Variants in CXCL13 observed in about 807,000 individuals in gnomAD.
CXCL13 encodes C-X-C motif chemokine 13.
A neutral mutation model predicts 12.2 loss-of-function variants in CXCL13; 7 were observed. The observed-to-expected ratio is 0.57, with a 90% confidence interval of 0.33 to 1.07. The LOEUF (loss-of-function observed/expected upper bound fraction) is 1.07, where lower values mean the gene tolerates loss of function less well. Among genes scored for constraint, CXCL13 ranks in the 50% least tolerant of loss-of-function variants. The pLI, the probability that CXCL13 is intolerant of heterozygous loss-of-function variation, is 0.04. For missense variants in CXCL13, 113 were observed against 127.4 expected (o/e 0.89, Z 0.55); for synonymous variants, 47 against 42.4 (o/e 1.11, Z -0.42).
In CXCL13 at chr4:77,529,558, C is replaced by A. The variant is rs184388919; in HGVS notation, c.-43+17770C>A. ...TTGAAGCAATTGTGAATGGGAGTTC[C>A]CTCATGATTTGGCTCTCTGTCTGTT... On this transcript the variant is annotated intron_variant, in intron 1 of 4. Coordinates refer to the CXCL13 transcript ENST00000286758. Among the ~76,000 whole-genome samples, 413 of 152,156 alleles carry A rather than the reference C, an allele frequency of 2.7e-3. 1 individual carries two copies. Among genetic ancestry groups the A allele is most frequent in the African/African-American group, 9.5e-3 (396 of 41,520 alleles).
chr4:77,573,768 C>A (rs1307028873), intron 1 of CXCL13, among the ~76,000 whole-genome samples: 1 of 151,896 alleles, frequency 6.6e-6, no homozygotes, highest in Non-Finnish European at 1.5e-5. Context: ...CAATTCCTGG[C>A]TTAGGGAATG....
chr4:77,559,246 G>T lies in CXCL13; in HGVS notation c.-42-46578G>T, dbSNP rs759212564. 3.3e-5 allele frequency among the ~76,000 whole-genome samples: 5 copies of T among 152,188 alleles called. No homozygotes were observed. The South Asian group carries it at 1.0e-3, about 32-fold the overall frequency. On this transcript the variant is annotated intron_variant, in intron 1 of 4. Transcript: ENST00000286758. ...TCCCTTGGCTCCAACACCTGGGGAAGAAAGGGGACTGAGGGGAGAGAGGGG... is the reference window on the plus strand; with the variant it reads ...TCCCTTGGCTCCAACACCTGGGGAATAAAGGGGACTGAGGGGAGAGAGGGG...
chr4:77,562,271 C>T (rs58768750), intron 1 of CXCL13, among the ~76,000 whole-genome samples: 6,928 of 150,734 alleles, frequency 0.046, 508 homozygotes, highest in African/African-American at 0.16. Flanking sequence ...TGACGGGCAA[C>T]GCCCCCTGCT....
intron 1 of CXCL13, among the ~76,000 whole-genome samples, chr4:77,569,397 G>GATA (rs1726011421): frequency 6.6e-6 from 1 of 152,268 alleles, no homozygotes; most frequent in South Asian, 2.1e-4. Flanking sequence ...TTCTTGAGCT[G>GATA]ATAAACAACT....
chr4:77,593,633 C>G (rs1188478027), intron 1 of CXCL13, among the ~76,000 whole-genome samples: 1 of 152,128 alleles, frequency 6.6e-6, no homozygotes, highest in African/African-American at 2.4e-5. Context: ...TTGTAATATC[C>G]CTGCATATCC....
upstream of CXCL13, among the ~76,000 whole-genome samples, chr4:77,602,711 C>A (rs544316842): frequency 1.3e-5 from 2 of 151,974 alleles, no homozygotes; most frequent in African/African-American, 4.8e-5. Context: ...TTGATATAAA[C>A]CAAGTTATGT....
At chr4:77,535,158 A>G (rs186703662) in intron 1 of CXCL13, among the ~76,000 whole-genome samples, 1 of 152,360 alleles carries the variant, frequency 6.6e-6, no homozygotes, top group East Asian at 1.9e-4. Context: ...ATAGTTTCTT[A>G]AAAATATTCA....
At chr4:77,515,293 CT>C (rs1338547221) in intron 1 of CXCL13, among the ~76,000 whole-genome samples, 1 of 152,086 alleles carries the variant, frequency 6.6e-6, no homozygotes, top group Non-Finnish European at 1.5e-5. Flanking sequence ...GATGTGGGCT[CT>C]TTTTTGGTTC....
chr4:77,547,700 G>A (rs1021840354), intron 1 of CXCL13, among the ~76,000 whole-genome samples: 1 of 152,142 alleles, frequency 6.6e-6, no homozygotes. Flanking sequence ...TTGCCAGTCT[G>A]TGTGTTTAAA....
chr4:77,512,942 C>T (rs756084706), intron 1 of CXCL13, among the ~76,000 whole-genome samples: 27 of 152,078 alleles, frequency 1.8e-4, no homozygotes, highest in East Asian at 3.9e-4. Flanking sequence ...CCCAACCCCA[C>T]GACAGGCCCC....
chr4:77,553,800 A>G (rs1725591127), intron 1 of CXCL13, among the ~76,000 whole-genome samples: 1 of 152,166 alleles, frequency 6.6e-6, no homozygotes, highest in Non-Finnish European at 1.5e-5. Context: ...CCTCTAATCC[A>G]CCATCTTGGA....
intron 1 of CXCL13, among the ~76,000 whole-genome samples, chr4:77,582,039 C>T (rs945863190): frequency 1.1e-4 from 16 of 151,912 alleles, no homozygotes; most frequent in East Asian, 3.8e-4. Context: ...TGCCTTTTTT[C>T]GGCCTGGAAA....
chr4:77,589,724 AT>A (rs778595570), intron 1 of CXCL13, among the ~76,000 whole-genome samples: 1 of 152,178 alleles, frequency 6.6e-6, no homozygotes, highest in Non-Finnish European at 1.5e-5. Context: ...CAGAGTTGGC[AT>A]TTGTTAAGTG....
At chr4:77,550,867 C>A (rs1021671769) in intron 1 of CXCL13, among the ~76,000 whole-genome samples, 9 of 152,030 alleles carry the variant, frequency 5.9e-5, no homozygotes, top group African/African-American at 1.7e-4. Flanking sequence ...TTATGTCATA[C>A]CCTTCTTTGT....
At chr4:77,610,054 T>C (rs899675397) in intron 2 of CXCL13, among the ~76,000 whole-genome samples, 1 of 152,244 alleles carries the variant, frequency 6.6e-6, no homozygotes, top group Admixed American at 6.5e-5. Flanking sequence ...GCTGCCACTT[T>C]TGCTATTGCT....
rs928037984 is a variant in CXCL13, at chr4:77,519,500, G to C, written c.-43+7712G>C. ...TGAGCATTTTTTCATGTGTCTGTTG[G>C]CTGCATAAATGTCCTCTTTTGAGAA... is the stretch of plus-strand genomic sequence containing the variant. On this transcript the variant is annotated intron_variant, in intron 1 of 4. Transcript: ENST00000286758. 2.0e-5 allele frequency among the ~76,000 whole-genome samples: 3 copies of C among 152,230 alleles called. No homozygotes were observed. In the South Asian group the frequency reaches 6.2e-4, roughly 32 times the overall value.
intron 1 of CXCL13, among the ~76,000 whole-genome samples, chr4:77,556,882 G>T (rs1010224348): frequency 3.3e-5 from 5 of 152,084 alleles, no homozygotes; most frequent in African/African-American, 9.7e-5. Context: ...AGCCAGGCGT[G>T]GGGGCACACA....
rs150017772 is a variant in CXCL13 at position 77,593,851 on chromosome 4, G to A, written c.-42-11973G>A. On this transcript the variant is annotated intron_variant, in intron 1 of 4. Transcript: ENST00000286758. ...CAACCAGTCGAGGAGAGGTGAGGAC[G>A]AGTGCTACCCCAGAGGTGGTAGCTT... Among the ~76,000 whole-genome samples, 7 of 152,326 alleles carry A rather than the reference G, an allele frequency of 4.6e-5. No individual in the cohort carries two copies. In the East Asian group the frequency reaches 9.7e-4, roughly 21 times the overall value.
intron 1 of CXCL13, among the ~76,000 whole-genome samples, chr4:77,548,883 C>T (rs547166178): frequency 6.6e-6 from 1 of 152,302 alleles, no homozygotes; most frequent in Non-Finnish European, 1.5e-5. Context: ...TGTTAGCCTG[C>T]ATTGCTAGGT....
Sources: gnomAD v4.1 joint callset for allele counts (sites outside exome capture counted in the v4.1 genomes callset) on GRCh38, gnomAD v4.1.1 for gene constraint, MANE v1.5 for transcripts, NCBI Gene and HGNC (gene_info 2026-07-23, HGNC 2026-07-21) for gene names.